The following TENM3 variants were observed in gnomAD, a reference collection of about 807,000 sequenced individuals.
TENM3 encodes teneurin transmembrane protein 3.
A neutral mutation model predicts 255.1 loss-of-function variants in TENM3; 63 were observed. The ratio of observed to expected loss-of-function variants is 0.25; its 90% confidence interval spans 0.20 to 0.30. The LOEUF (loss-of-function observed/expected upper bound fraction) is 0.30. Among genes scored for constraint, TENM3 ranks in the 10% least tolerant of loss-of-function variants. TENM3 has a pLI of 1.00. For missense variants in TENM3, 2,929 were observed against 3,461.1 expected, an observed-to-expected ratio of 0.85 and a Z score of 3.86; for synonymous variants, 1,306 against 1,322.3, an observed-to-expected ratio of 0.99 and a Z score of 0.27.
At chr4:181,716,814 G>A in the TENM3 span, among the ~76,000 whole-genome samples, 2 of 152,108 alleles carry the variant, frequency 1.3e-5, no homozygotes, top group South Asian at 4.1e-4. Flanking sequence ...AAAAGCTGGG[G>A]TGAAAACAAG....
chr4:181,927,462 T>G, the TENM3 span, among the ~76,000 whole-genome samples: 2 of 152,252 alleles, frequency 1.3e-5, no homozygotes, highest in African/African-American at 4.8e-5. Flanking sequence ...GTGGCCAGAC[T>G]GCCTCTCTAG....
At chr4:182,226,337 A>C (rs1756156755) in intron 1 of TENM3, among the ~76,000 whole-genome samples, 1 of 152,190 alleles carries the variant, frequency 6.6e-6, no homozygotes, top group Non-Finnish European at 1.5e-5. Context: ...GTCCAAGGGC[A>C]AGTGATCTAT....
intron 1 of TENM3, among the ~76,000 whole-genome samples, chr4:182,311,402 G>C (rs1252723114): frequency 6.6e-6 from 1 of 152,142 alleles, no homozygotes; most frequent in Non-Finnish European, 1.5e-5. Context: ...ACTCATTGCT[G>C]TCATCTCTCT....
At chr4:182,132,762 T>G in the TENM3 span, among the ~76,000 whole-genome samples, 1 of 152,208 alleles carries the variant, frequency 6.6e-6, no homozygotes, top group Non-Finnish European at 1.5e-5. Context: ...AGATTTTATA[T>G]GGGTGTGACT....
chr4:181,828,967 C>T, the TENM3 span, among the ~76,000 whole-genome samples: 9 of 152,194 alleles, frequency 5.9e-5, no homozygotes, highest in African/African-American at 1.9e-4. Context: ...TGGTGACACA[C>T]TTGCTACCCT....
At chr4:181,709,107 C>A in the TENM3 span, among the ~76,000 whole-genome samples, 26 of 152,154 alleles carry the variant, frequency 1.7e-4, no homozygotes, top group African/African-American at 6.3e-4. Context: ...ACTGTGCTAA[C>A]GGAAAGCTGT....
the TENM3 span, among the ~76,000 whole-genome samples, chr4:181,701,958 A>G: frequency 6.6e-6 from 1 of 152,154 alleles, no homozygotes; most frequent in South Asian, 2.1e-4. Context: ...GTCCTTGTCC[A>G]GTTTGCCATT....
At chr4:181,908,149 GA>G in the TENM3 span, among the ~76,000 whole-genome samples, 1 of 151,112 alleles carries the variant, frequency 6.6e-6, no homozygotes, top group South Asian at 2.1e-4. Context: ...TTTCTTTGCT[GA>G]AAAAAAAATC....
chr4:182,210,141 T>C (rs1330426913), intron 1 of TENM3, among the ~76,000 whole-genome samples: 1 of 152,142 alleles, frequency 6.6e-6, no homozygotes, highest in Non-Finnish European at 1.5e-5. Context: ...CTTTTCTCTC[T>C]AGATCCCCTG....
intron 13 of TENM3, among the ~76,000 whole-genome samples, chr4:182,724,252 A>C (rs112583186): frequency 1.6e-4 from 24 of 152,362 alleles, no homozygotes; most frequent in African/African-American, 5.5e-4. Flanking sequence ...ACTAAAATGG[A>C]ATCTCGATGA....
intron 3 of TENM3, among the ~76,000 whole-genome samples, chr4:182,388,544 G>A (rs888518554): frequency 6.6e-6 from 1 of 152,252 alleles, no homozygotes; most frequent in African/African-American, 2.4e-5. Context: ...TACTTTGCAG[G>A]AGGCTATGCA....
chr4:182,573,376 T>G (rs1012272223), intron 3 of TENM3, among the ~76,000 whole-genome samples: 1 of 152,206 alleles, frequency 6.6e-6, no homozygotes, highest in African/African-American at 2.4e-5. Flanking sequence ...AGGGTGTTTT[T>G]ATAAGTTTTC....
chr4:181,494,537 C>T, the TENM3 span, among the ~76,000 whole-genome samples: 1,540 of 152,268 alleles, frequency 0.01, 21 homozygotes, highest in African/African-American at 0.034. Context: ...CCACCCGCCT[C>T]AGCCTCCCAA....
intron 12 of TENM3, among the ~76,000 whole-genome samples, chr4:182,694,291 G>A (rs889168791): frequency 6.6e-6 from 1 of 151,582 alleles, no homozygotes; most frequent in Non-Finnish European, 1.5e-5. Context: ...TTGTATTTTT[G>A]TGGAGAAGGG....
the TENM3 span, among the ~76,000 whole-genome samples, chr4:182,097,071 T>G: frequency 6.6e-6 from 1 of 152,078 alleles, no homozygotes; most frequent in Non-Finnish European, 1.5e-5. Flanking sequence ...GAGAGGGGGT[T>G]TGCGATTGGG....
At chr4:181,563,190 C>A in the TENM3 span, among the ~76,000 whole-genome samples, 1 of 152,170 alleles carries the variant, frequency 6.6e-6, no homozygotes, top group East Asian at 1.9e-4. Context: ...ATCAAGGTGT[C>A]GTCAGCAGGG....
intron 24 of TENM3, among the ~76,000 whole-genome samples, chr4:182,786,064 C>T (rs1400680233): frequency 6.6e-6 from 1 of 152,204 alleles, no homozygotes; most frequent in African/African-American, 2.4e-5. Context: ...ACTCATTCCT[C>T]ATTACTTTGG....
the TENM3 span, among the ~76,000 whole-genome samples, chr4:181,833,013 AAC>A: frequency 4.2e-3 from 641 of 152,330 alleles, 5 homozygotes; most frequent in African/African-American, 0.015. Context: ...ATAATTGAGA[AAC>A]ACAGAACAAA....
the TENM3 span, among the ~76,000 whole-genome samples, chr4:181,748,472 A>G: frequency 6.6e-6 from 1 of 152,136 alleles, no homozygotes; most frequent in Admixed American, 6.6e-5. Context: ...TCAAACTCAC[A>G]TAGTAATCTA....
Sources: allele counts gnomAD v4.1 joint callset (sites outside exome capture counted in the v4.1 genomes callset), GRCh38; gene constraint gnomAD v4.1.1; transcripts MANE v1.5; gene names NCBI Gene and HGNC (gene_info 2026-07-23, HGNC 2026-07-21).